Variants in FRMPD1 observed in about 807,000 individuals in gnomAD.
The protein encoded by FRMPD1 is FERM and PDZ domain-containing protein 1.
Under a neutral mutation model 117.8 loss-of-function variants are expected in FRMPD1, and 76 were observed. The observed-to-expected ratio is 0.65, with a 90% CI of 0.54 to 0.78. The LOEUF is 0.78. FRMPD1 is among the 30% of genes least tolerant of loss of function. The pLI, the probability that FRMPD1 is intolerant of heterozygous loss-of-function variation, is 0.00. For missense variants in FRMPD1, 1,786 were observed against 1,964.5 expected, an observed-to-expected ratio of 0.91 and a Z score of 1.72; for synonymous variants, 783 against 770.4, an observed-to-expected ratio of 1.02 and a Z score of -0.27.
rs1824309298 is a variant in FRMPD1, at chr9:37,740,070, T to A, written c.1550-8T>A. ...GTTGTGTAACTGTTGCTGTACCCTG[T>A]GTTGCAGGCTATGAATCCAGGGCCT... On this transcript the variant is annotated splice_polypyrimidine_tract_variant and splice_region_variant and intron_variant, in intron 14 of 15. Transcript: ENST00000377765. The surrounding 1 kb of genome is among the most constrained non-coding windows in gnomAD (Gnocchi z 4.2). 6.4e-7 allele frequency: 1 copy of A among 1,572,934 alleles called. No individual in the cohort carries two copies. Among genetic ancestry groups the A allele is most frequent in the African/African-American group, 1.4e-5 (1 of 73,842 alleles).
At chr9:37,614,797 A>G in the FRMPD1 span, among the ~76,000 whole-genome samples, 1 of 152,240 alleles carries the variant, frequency 6.6e-6, no homozygotes, top group African/African-American at 2.4e-5. Context: ...TCATATTATA[A>G]TCAGGTGTCA....
Position 37,746,439 on chromosome 9 carries a change from C to T in FRMPD1, c.4407C>T (p.Leu1469=). The T allele has an allele frequency of 6.2e-7, 1 of 1,613,712 alleles. No individual in the cohort carries two copies. Among genetic ancestry groups the T allele is most frequent in the Non-Finnish European group, 8.5e-7 (1 of 1,180,018 alleles). ...GCCTCTGCATGGGCTCCCAGAAGCT[C>T]CTGTCGAGCTGTCGGCATGTGATCA... ...RSRLCMGSQK[L]LSSCRHVIRM... The change falls in exon 16 of 16, where the codon CTC becomes CTT. Residue 1469 remains leucine (L), a synonymous_variant. Transcript: ENST00000377765.
At chr9:37,727,321 T>G (rs1416254093) in intron 7 of FRMPD1, among the ~76,000 whole-genome samples, 2 of 152,028 alleles carry the variant, frequency 1.3e-5, no homozygotes, top group Non-Finnish European at 2.9e-5. Flanking sequence ...TATTTTAGGT[T>G]TTGCAGGCCA....
intron 13 of FRMPD1, among the ~76,000 whole-genome samples, chr9:37,736,697 CTTTT>C (rs1195134894): frequency 1.3e-5 from 2 of 152,030 alleles, no homozygotes; most frequent in South Asian, 2.1e-4. Flanking sequence ...GCTCCTTTTT[CTTTT>C]TTAAGTTCAG....
At chr9:37,706,210 TG>T in intron 2 of FRMPD1, among the ~76,000 whole-genome samples, 1 of 152,118 alleles carries the variant, frequency 6.6e-6, no homozygotes, top group South Asian at 2.1e-4. Context: ...AGTCAGGGCC[TG>T]GGGGGGATCC....
chr9:37,606,445 T>C, the FRMPD1 span, among the ~76,000 whole-genome samples: 1 of 152,210 alleles, frequency 6.6e-6, no homozygotes, highest in African/African-American at 2.4e-5. Context: ...CTGGGTTGGA[T>C]GACAAACTTT....
At chr9:37,613,435 C>A in the FRMPD1 span, among the ~76,000 whole-genome samples, 3 of 152,044 alleles carry the variant, frequency 2.0e-5, no homozygotes, top group African/African-American at 7.2e-5. Context: ...TGAAACAAAC[C>A]AACAAAATCA....
chr9:37,724,263 A>G lies in FRMPD1; in HGVS notation c.555A>G (p.Leu185=), dbSNP rs767180692. 3 of 1,604,236 alleles carry G rather than the reference A, an allele frequency of 1.9e-6. No individual in the cohort carries two copies. Among genetic ancestry groups the G allele is most frequent in the South Asian group, 1.1e-5 (1 of 90,852 alleles). Residue 185 remains leucine, a synonymous_variant, in exon 7 of 16, where the codon CTA becomes CTG. Transcript: ENST00000377765. ...TGTGTATGCCCAACGTGCTCAAGCT[A>G]TACTTGGAGAATGGACAGACCAAAG... The part of the protein sequence containing the change: ...SLLCMPNVLK[L]YLENGQTKAF...
intron 1 of FRMPD1, among the ~76,000 whole-genome samples, chr9:37,686,799 C>T (rs1301806194): frequency 2.0e-5 from 3 of 152,226 alleles, no homozygotes; most frequent in African/African-American, 7.2e-5. Flanking sequence ...GCCTTCAGTC[C>T]TATGGATATG....
chr9:37,653,009 C>T (rs892300297), intron 1 of FRMPD1, among the ~76,000 whole-genome samples: 5 of 151,460 alleles, frequency 3.3e-5, no homozygotes, highest in African/African-American at 9.7e-5. Context: ...GGAGCTGGTA[C>T]GAGCAAGGAA....
At chr9:37,687,825 T>A (rs1180095680) in intron 1 of FRMPD1, among the ~76,000 whole-genome samples, 3 of 152,204 alleles carry the variant, frequency 2.0e-5, no homozygotes, top group Admixed American at 2.0e-4. Context: ...ATGAAAAATG[T>A]TGAGCTGTGC....
intron 2 of FRMPD1, among the ~76,000 whole-genome samples, chr9:37,703,737 T>G (rs955570837): frequency 9.2e-5 from 14 of 152,232 alleles, no homozygotes; most frequent in Non-Finnish European, 1.9e-4. Flanking sequence ...TAATCTACTT[T>G]CTGTCTCTAT....
rs766314187 is a variant in FRMPD1 at position 37,707,493 on chromosome 9, T to C, written c.179T>C (p.Ile60Thr). 16 of 1,613,930 alleles carry C rather than the reference T, an allele frequency of 9.9e-6. No individual in the cohort carries two copies. Among genetic ancestry groups the C allele is most frequent in the South Asian group, 4.4e-5 (4 of 91,072 alleles). Residue 60 changes from isoleucine (I) to threonine (T), a missense_variant, in exon 3 of 16, where the codon ATA becomes ACA. Coordinates refer to ENST00000377765, the MANE Select transcript of FRMPD1 (RefSeq NM_014907.3). ...ATCCCTGTGCGACACACAGTAAAGA[T>C]AGACAAAGACACCCTCCTCCAGGAC... is the stretch of plus-strand genomic sequence containing the variant. ...TLIPVRHTVKIDKDTLLQDYG... is the reference protein window; with the variant it reads ...TLIPVRHTVKTDKDTLLQDYG...
At chr9:37,690,682 T>G (rs550312377) in intron 1 of FRMPD1, among the ~76,000 whole-genome samples, 7 of 152,206 alleles carry the variant, frequency 4.6e-5, no homozygotes, top group Non-Finnish European at 1.0e-4. Flanking sequence ...AGAGAAGGAT[T>G]CTCTAATCTT....
intron 2 of FRMPD1, among the ~76,000 whole-genome samples, chr9:37,696,053 T>TG (rs1822311720): frequency 9.0e-6 from 1 of 111,146 alleles, no homozygotes. Flanking sequence ...TTGTTTTGCT[T>TG]TTTTTTTTTT....
Position 37,711,458 on chromosome 9 carries a change from C to T in FRMPD1, c.408+63C>T. 4 of 1,216,248 alleles carry T rather than the reference C, an allele frequency of 3.3e-6. No individual in the cohort carries two copies. In the South Asian group the frequency reaches 3.6e-5, roughly 11 times the overall value. The allele number at this position is 1,216,248 out of a possible 1,614,324, so 75.3% of individuals were successfully genotyped here. A position where few individuals can be genotyped will look rare whatever the true frequency, so the allele number is the denominator to read the frequency against. ...ATTCTTGGCCCTAAGACCCTGTTCC[C>T]CCAGAGGATATCCCTCATAAAGTAA... On this transcript the variant is annotated intron_variant, in intron 5 of 15. Coordinates refer to ENST00000377765, the MANE Select transcript of FRMPD1 (RefSeq NM_014907.3).
intron 1 of FRMPD1, among the ~76,000 whole-genome samples, chr9:37,656,887 G>A (rs1820859341): frequency 6.6e-6 from 1 of 151,946 alleles, no homozygotes; most frequent in African/African-American, 2.4e-5. Flanking sequence ...TCCCAAGCTG[G>A]CTGCTAAATG....
At chr9:37,649,238 A>AT (rs1433420086), upstream of FRMPD1, among the ~76,000 whole-genome samples, 1 of 152,224 alleles carries the variant, frequency 6.6e-6, no homozygotes, top group Non-Finnish European at 1.5e-5. Flanking sequence ...CTACAAAATA[A>AT]TTTTTAAAAT....
chr9:37,612,854 C>T, the FRMPD1 span, among the ~76,000 whole-genome samples: 1 of 152,122 alleles, frequency 6.6e-6, no homozygotes, highest in Non-Finnish European at 1.5e-5. Flanking sequence ...TAAGTGACTA[C>T]GAGAACCTGG....
Sources: allele counts gnomAD v4.1 joint callset (sites outside exome capture counted in the v4.1 genomes callset), GRCh38; gene constraint gnomAD v4.1.1; non-coding constraint Gnocchi (gnomAD v3.1); transcripts MANE v1.5; gene names NCBI Gene and HGNC (gene_info 2026-07-23, HGNC 2026-07-21).